Variants in GKAP1 observed in about 807,000 individuals in gnomAD.
GKAP1 encodes the protein G kinase anchoring protein 1, also known as G kinase-anchoring protein 1.
In GKAP1, 31 loss-of-function variants were observed where a neutral mutation model predicts 56.7. That is an observed-to-expected ratio of 0.55 (90% CI 0.41 to 0.74). The LOEUF (loss-of-function observed/expected upper bound fraction) is 0.74. GKAP1 is among the 30% of genes least tolerant of loss of function. The pLI is 0.00. For synonymous variants in GKAP1, 151 were observed against 138.6 expected, an observed-to-expected ratio of 1.09 and a Z score of -0.63; for missense variants, 364 against 402.3, an observed-to-expected ratio of 0.90 and a Z score of 0.82.
chr9:83,785,481 A>C (rs1233484244), intron 5 of GKAP1, among the ~76,000 whole-genome samples: 1 of 152,174 alleles, frequency 6.6e-6, no homozygotes, highest in East Asian at 1.9e-4. Context: ...AATGTATTCT[A>C]TCTTTCCATC....
At chr9:83,762,820 T>C (rs558887320) in intron 8 of GKAP1, among the ~76,000 whole-genome samples, 35 of 152,266 alleles carry the variant, frequency 2.3e-4, no homozygotes, top group Admixed American at 5.9e-4. Flanking sequence ...CTTCGATAAA[T>C]GGCACTGGGA....
chr9:83,774,150 C>T (rs1448457097), intron 7 of GKAP1, among the ~76,000 whole-genome samples: 3 of 151,748 alleles, frequency 2.0e-5, no homozygotes, highest in Non-Finnish European at 2.9e-5. Flanking sequence ...GGATTACAGG[C>T]GTGAGCCACT....
chr9:83,754,309 G>A (rs1401229982), intron 8 of GKAP1, among the ~76,000 whole-genome samples: 1 of 152,106 alleles, frequency 6.6e-6, no homozygotes, highest in Non-Finnish European at 1.5e-5. Context: ...CAAATTTAGT[G>A]TAAACAAAAA....
chr9:83,747,042 T>G (rs1943306749), intron 10 of GKAP1, among the ~76,000 whole-genome samples: 2 of 152,252 alleles, frequency 1.3e-5, no homozygotes, highest in African/African-American at 4.8e-5. Flanking sequence ...TAGCATTTAT[T>G]AACAGGAAAA....
chr9:83,807,860 C>T (rs1944459823), intron 2 of GKAP1, among the ~76,000 whole-genome samples: 1 of 152,188 alleles, frequency 6.6e-6, no homozygotes, highest in South Asian at 2.1e-4. Flanking sequence ...AAGATCCATT[C>T]TGAAAGCTAA....
chr9:83,751,320 A>G (rs1728934481), intron 9 of GKAP1, among the ~76,000 whole-genome samples: 1 of 152,168 alleles, frequency 6.6e-6, no homozygotes, highest in South Asian at 2.1e-4. Flanking sequence ...TGAGATCTTT[A>G]CCAATTTTTG....
At chr9:83,779,551 G>A (rs1564201784) in intron 7 of GKAP1, among the ~76,000 whole-genome samples, 7 of 111,294 alleles carry the variant, frequency 6.3e-5, no homozygotes, top group Non-Finnish European at 1.1e-4. Flanking sequence ...ATATACACGT[G>A]TATATGTGTA....
chr9:83,775,362 C>A (rs538321876), intron 7 of GKAP1, among the ~76,000 whole-genome samples: 17 of 152,198 alleles, frequency 1.1e-4, no homozygotes, highest in African/African-American at 3.9e-4. Flanking sequence ...ATTTCTCCAA[C>A]GAGTCCTGGT....
In GKAP1 at chr9:83,800,644, C is replaced by G. The variant is rs192234760; in HGVS notation, c.217-1316G>C. On this transcript the variant is annotated intron_variant, in intron 3 of 12. Transcript: ENST00000376371. The stretch of plus-strand genomic sequence containing the variant: ...AGCCACCGCGCCCGGCCCCCACTGC[C>G]TCCTTACATATTTTAAGTTCAACTT... Among the ~76,000 whole-genome samples the G allele has an allele frequency of 1.6e-4, 24 of 152,142 alleles. No individual in the cohort carries two copies. In the East Asian group the frequency reaches 4.6e-3, roughly 29 times the overall value.
intron 8 of GKAP1, among the ~76,000 whole-genome samples, chr9:83,766,920 A>G (rs966622796): frequency 6.6e-6 from 1 of 152,230 alleles, no homozygotes; most frequent in Non-Finnish European, 1.5e-5. Flanking sequence ...ACATACTGGC[A>G]AGAAAGGAAT....
intron 2 of GKAP1, among the ~76,000 whole-genome samples, chr9:83,813,873 G>C (rs1374012946): frequency 6.6e-6 from 1 of 152,126 alleles, no homozygotes; most frequent in African/African-American, 2.4e-5. Context: ...GGCTGAGGTG[G>C]GCAGATTGCT....
chr9:83,739,995 ATATCT>A (rs1182156751), intron 12 of GKAP1, among the ~76,000 whole-genome samples: 2 of 152,148 alleles, frequency 1.3e-5, no homozygotes, highest in Admixed American at 1.3e-4. Context: ...AAGCTCACCG[ATATCT>A]TATTTTTTTA....
chr9:83,779,606 CACATAT>C (rs1331548866), intron 7 of GKAP1, among the ~76,000 whole-genome samples: 3 of 71,504 alleles, frequency 4.2e-5, no homozygotes, highest in African/African-American at 1.5e-4. Flanking sequence ...TATATATATA[CACATAT>C]ACACACACAC....
chr9:83,815,490 C>A (rs1274154903), intron 2 of GKAP1, among the ~76,000 whole-genome samples: 1 of 151,830 alleles, frequency 6.6e-6, no homozygotes, highest in Non-Finnish European at 1.5e-5. Context: ...ATGACCTTAT[C>A]CCTCTACACT....
chr9:83,788,802 C>T, intron 4 of GKAP1, 124 bp from the exon 5 acceptor site: 1 of 525,686 alleles, frequency 1.9e-6, no homozygotes, highest in South Asian at 3.3e-5. Context: ...TATGGATTCT[C>T]CAAAGTTATC....
chr9:83,811,091 T>C (rs1564217999), intron 2 of GKAP1, among the ~76,000 whole-genome samples: 3 of 152,270 alleles, frequency 2.0e-5, no homozygotes, highest in Non-Finnish European at 4.4e-5. Flanking sequence ...AGCACATGAC[T>C]ATATAAGCAT....
intron 7 of GKAP1, among the ~76,000 whole-genome samples, chr9:83,779,448 T>TATATACAC (rs1554742273): frequency 3.3e-5 from 4 of 119,614 alleles, no homozygotes; most frequent in African/African-American, 1.2e-4. Flanking sequence ...TATATATATA[T>TATATACAC]ACACACACAC....
intron 12 of GKAP1, among the ~76,000 whole-genome samples, chr9:83,741,012 T>A (rs1226176822): frequency 6.6e-6 from 1 of 152,060 alleles, no homozygotes; most frequent in Non-Finnish European, 1.5e-5. Context: ...TGTAATGACA[T>A]GTATTAAAAA....
At position 83,812,317 on chromosome 9, in the gene GKAP1, G is replaced by GTA. The variant is rs1281090876; in HGVS notation, c.-44+4677_-44+4678dup. On this transcript the variant is annotated intron_variant, in intron 2 of 12. Transcript: ENST00000376371. ...TATATATATACGTATACATATATAT[G>GTA]TATATATACACACGTATATATATAC... 3.5e-5 allele frequency among the ~76,000 whole-genome samples: 5 copies of GTA among 143,702 alleles called. No individual in the cohort carries two copies. In the Admixed American group the frequency reaches 3.5e-4, roughly 10 times the overall value. 94.3% of individuals were successfully genotyped at this position (143,702 alleles called of 152,430 possible). A position where few individuals can be genotyped will look rare whatever the true frequency, so the allele number is the denominator to read the frequency against.
Sources: allele counts gnomAD v4.1 joint callset (sites outside exome capture counted in the v4.1 genomes callset), GRCh38; gene constraint gnomAD v4.1.1; transcripts MANE v1.5; gene names NCBI Gene and HGNC (gene_info 2026-07-23, HGNC 2026-07-21).